REM1: variants seen among roughly 807,000 people sequenced by gnomAD.
The protein encoded by REM1 is RRAD and GEM like GTPase 1.
Under a neutral mutation model 27.0 loss-of-function variants are expected in REM1, and 20 were observed. The observed-to-expected ratio is 0.74, with a 90% CI of 0.52 to 1.08. REM1 has a LOEUF of 1.08. Among genes scored for constraint, REM1 ranks in the 50% least tolerant of loss-of-function variants. REM1 has a pLI of 0.00. For synonymous variants in REM1, 159 were observed against 167.9 expected, an observed-to-expected ratio of 0.95 and a Z score of 0.41; for missense variants, 405 against 407.0, an observed-to-expected ratio of 1.00 and a Z score of 0.04.
Position 31,484,609 on chromosome 20 carries a change from G to A in REM1, c.*179G>A. The A allele has an allele frequency of 1.3e-6, 1 of 777,350 alleles. No homozygotes were observed. Among genetic ancestry groups the A allele is most frequent in the Non-Finnish European group, 1.9e-6 (1 of 532,158 alleles). The allele number at this position is 777,350 out of a possible 1,614,324, so 48.2% of individuals were successfully genotyped here. A position where few individuals can be genotyped will look rare whatever the true frequency, so the allele number is the denominator to read the frequency against. The stretch of plus-strand genomic sequence containing the variant: ...CCTGGGGGATCCCGGGAAAGCGATG[G>A]ACAGACAGACGATGGGGCCGAAGCC... On this transcript the variant is annotated 3_prime_UTR_variant, in exon 5 of 5. Coordinates refer to ENST00000201979, the MANE Select transcript of REM1 (RefSeq NM_014012.6).
chr20:31,484,501 G>T lies in REM1; in HGVS notation c.*71G>T. On this transcript the variant is annotated 3_prime_UTR_variant, in exon 5 of 5. Coordinates refer to ENST00000201979, the MANE Select transcript of REM1 (RefSeq NM_014012.6). ...TGGGCTCCAGGGACGCCACTGCGGG[G>T]CAAAGGCGCCGTTACCTGGAGTCTG... 7.0e-7 allele frequency: 1 copy of T among 1,422,448 alleles called. No individual in the cohort carries two copies. The highest frequency in any genetic ancestry group is 9.2e-7 in the Non-Finnish European group (1 of 1,085,736). 88.1% of individuals were successfully genotyped at this position (1,422,448 alleles called of 1,614,324 possible).
chr20:31,476,677 G>A lies in REM1; in HGVS notation c.232G>A (p.Glu78Lys). The A allele has an allele frequency of 6.2e-7, 1 of 1,614,164 alleles. No individual in the cohort carries two copies. The highest frequency in any genetic ancestry group is 8.5e-7 in the Non-Finnish European group (1 of 1,180,022). The part of the protein sequence containing the change: ...SESSDSEGSW[E>K]ALYRVVLLGD... Reference sequence around the variant, plus strand: ...ATCCAGCGACTCTGAAGGCTCCTGGGAGGCTCTCTACCGTGTGGTGCTACT... The same window carrying A: ...ATCCAGCGACTCTGAAGGCTCCTGGAAGGCTCTCTACCGTGTGGTGCTACT... Residue 78 changes from glutamate (E) to lysine (K), a missense_variant, in exon 2 of 5, where the codon GAG (glutamate) becomes AAG (lysine). Physicochemically the swap from Glu to Lys is moderately conservative, Grantham distance 56. Transcript: ENST00000201979.
At position 31,484,546 on chromosome 20, in the gene REM1, C is replaced by T; in HGVS notation, c.*116C>T. On this transcript the variant is annotated 3_prime_UTR_variant, in exon 5 of 5. Coordinates refer to ENST00000201979, the MANE Select transcript of REM1 (RefSeq NM_014012.6). ...AGTCTGCATCATGGGTCTTGCTTGC[C>T]TGCTGCCCTGATGGCCTGAGCATCC... 1 of 1,267,898 alleles carries T rather than the reference C, an allele frequency of 7.9e-7. No individual in the cohort carries two copies. Among genetic ancestry groups the T allele is most frequent in the Non-Finnish European group, 1.0e-6 (1 of 961,514 alleles). 78.5% of individuals were successfully genotyped at this position (1,267,898 alleles called of 1,614,324 possible).
intron 3 of REM1, among the ~76,000 whole-genome samples, chr20:31,480,231 A>ATAGG (rs1980675688): frequency 2.7e-5 from 3 of 109,208 alleles, no homozygotes. Context: ...AGATAGATAG[A>ATAGG]CAGATACATA....
rs544564650 is a variant in REM1 at position 31,484,197 on chromosome 20, A to T, written c.664A>T (p.Ile222Phe). Reference protein sequence around the residue: ...ACAVVFDCKFIETSATLQHNV... With the variant: ...ACAVVFDCKFFETSATLQHNV... Reference sequence around the variant, plus strand: ...CGCTGTGGTGTTCGACTGTAAATTCATCGAGACATCCGCCACGCTGCAGCA... The same window carrying T: ...CGCTGTGGTGTTCGACTGTAAATTCTTCGAGACATCCGCCACGCTGCAGCA... The change falls in exon 5 of 5, where the codon ATC (isoleucine) becomes TTC (phenylalanine). Residue 222 changes from isoleucine (I) to phenylalanine (F), a missense_variant. By Grantham distance (21) the Ile-to-Phe change is conservative (BLOSUM62 0). Coordinates refer to ENST00000201979, the MANE Select transcript of REM1 (RefSeq NM_014012.6). 1.7e-4 allele frequency: 270 copies of T among 1,607,298 alleles called. 1 individual carries two copies. The South Asian group carries it at 2.8e-3, about 17-fold the overall frequency.
rs1308369188 is a variant in REM1 at position 31,484,310 on chromosome 20, A to ACGGC, written c.783_786dup (p.Ser263GlyfsTer113). On this transcript the variant is annotated frameshift_variant, in exon 5 of 5. Transcript: ENST00000201979. LOFTEE classifies it high-confidence loss of function. The stretch of plus-strand genomic sequence containing the variant: ...CGGCCAAGGAACCCCCAGCACCCCG[A>ACGGC]CGGCCGGCCAGCCTAGCCCAGCGCG... The ACGGC allele has an allele frequency of 6.3e-7, 1 of 1,577,640 alleles. No individual in the cohort carries two copies. The highest frequency in any genetic ancestry group is 2.3e-5 in the East Asian group (1 of 43,470).
rs117459528 is a variant in REM1, at chr20:31,481,924, G to T, written c.424-363G>T. Among the ~76,000 whole-genome samples, 69 of 152,228 alleles carry T rather than the reference G, an allele frequency of 4.5e-4. No individual in the cohort carries two copies. The East Asian group carries it at 0.01, about 22-fold the overall frequency. ...CCAGGCATAAAGAACCATATGGCAA[G>T]ACTAAACCCTCCTCAGAAACAAGAC... On this transcript the variant is annotated intron_variant, in intron 3 of 4. Coordinates refer to ENST00000201979, the MANE Select transcript of REM1 (RefSeq NM_014012.6).
rs1297283907 is a variant in REM1, at chr20:31,476,346, G to A, written c.-100G>A. ...GAAGAAGCCATACAGCAGCTCATCA[G>A]GACACTATAGAAAGAAGCAGCTCAA... On this transcript the variant is annotated 5_prime_UTR_variant, in exon 2 of 5. Coordinates refer to ENST00000201979, the MANE Select transcript of REM1 (RefSeq NM_014012.6). The A allele has an allele frequency of 2.1e-6, 2 of 961,870 alleles. No homozygotes were observed. The highest frequency in any genetic ancestry group is 3.3e-5 in the African/African-American group (2 of 60,716). The allele number at this position is 961,870 out of a possible 1,614,324, so 59.6% of individuals were successfully genotyped here.
At position 31,484,295 on chromosome 20, in the gene REM1, A is replaced by C. The variant is rs776909772; in HGVS notation, c.762A>C (p.Glu254Asp). The change falls in exon 5 of 5, where the codon GAA (glutamate) becomes GAC (aspartate). Residue 254 changes from glutamate (E) to aspartate (D), a missense_variant. Transcript: ENST00000201979. ...RLRRRDSAAK[E>D]PPAPRRPASL... The stretch of plus-strand genomic sequence containing the variant: ...GCCGCCGGGACAGTGCGGCCAAGGA[A>C]CCCCCAGCACCCCGACGGCCGGCCA... The C allele has an allele frequency of 6.3e-7, 1 of 1,584,514 alleles. No individual in the cohort carries two copies. The highest frequency in any genetic ancestry group is 8.6e-7 in the Non-Finnish European group (1 of 1,166,556).
chr20:31,477,642 G>A (rs1980564742), intron 2 of REM1, among the ~76,000 whole-genome samples, 186 bp from the exon 3 acceptor site: 2 of 152,108 alleles, frequency 1.3e-5, no homozygotes, highest in South Asian at 4.1e-4. Context: ...CCTACTATGT[G>A]CCAGGTACTA....
chr20:31,480,276 TAC>T, intron 3 of REM1, among the ~76,000 whole-genome samples: 1 of 146,384 alleles, frequency 6.8e-6, no homozygotes, highest in South Asian at 2.1e-4. Context: ...CATACATACA[TAC>T]ATACATAGAT....
At chr20:31,481,662 A>G (rs180765217) in intron 3 of REM1, among the ~76,000 whole-genome samples, 24 of 152,342 alleles carry the variant, frequency 1.6e-4, no homozygotes, top group Non-Finnish European at 2.9e-4. Flanking sequence ...TGTCCCTAAC[A>G]AAAGATCACC....
intron 2 of REM1, among the ~76,000 whole-genome samples, chr20:31,477,336 A>G (rs1980551441): frequency 2.0e-5 from 3 of 152,082 alleles, no homozygotes; most frequent in Admixed American, 2.0e-4. Flanking sequence ...GATAGAAGAG[A>G]TGAAGGTAGG....
intron 4 of REM1, among the ~76,000 whole-genome samples, chr20:31,483,835 T>C (rs977460228): frequency 6.6e-6 from 1 of 151,130 alleles, no homozygotes; most frequent in Admixed American, 6.6e-5. Flanking sequence ...AAGCACAGAT[T>C]TCCAGACCTC....
At chr20:31,482,510 C>T in intron 4 of REM1, 22 bp downstream of exon 4, 1 of 1,609,188 alleles carries the variant, frequency 6.2e-7, no homozygotes, top group East Asian at 2.2e-5. Context: ...ATCCCACCAC[C>T]TCCTCTTCAC....
At chr20:31,479,738 C>T (rs6142041) in intron 3 of REM1, among the ~76,000 whole-genome samples, 1 of 152,220 alleles carries the variant, frequency 6.6e-6, no homozygotes, top group Middle Eastern at 3.4e-3. Flanking sequence ...TTGGATGGGC[C>T]TTAGGACCTT....
intron 3 of REM1, among the ~76,000 whole-genome samples, chr20:31,481,600 T>A (rs1249081682): frequency 6.6e-6 from 1 of 152,174 alleles, no homozygotes; most frequent in Non-Finnish European, 1.5e-5. Flanking sequence ...AGAAACCGTG[T>A]CTTACTCAAC....
intron 3 of REM1, among the ~76,000 whole-genome samples, chr20:31,480,232 C>CAT (rs1980676083): frequency 1.8e-5 from 2 of 109,792 alleles, no homozygotes; most frequent in African/African-American, 9.2e-5. Context: ...GATAGATAGA[C>CAT]AGATACATAC....
In REM1 at chr20:31,476,693, T is replaced by TG; in HGVS notation, c.250dup (p.Val84GlyfsTer27). The TG allele has an allele frequency of 6.2e-7, 1 of 1,614,054 alleles. No homozygotes were observed. On this transcript the variant is annotated frameshift_variant, in exon 2 of 5. Coordinates refer to ENST00000201979, the MANE Select transcript of REM1 (RefSeq NM_014012.6). LOFTEE classifies it high-confidence loss of function. Reference sequence around the variant, plus strand: ...GGCTCCTGGGAGGCTCTCTACCGTGTGGTGCTACTTGGAGATCCTGGAGTG... The same window carrying TG: ...GGCTCCTGGGAGGCTCTCTACCGTGTGGGTGCTACTTGGAGATCCTGGAGTG...
Sources: allele counts gnomAD v4.1 joint callset (sites outside exome capture counted in the v4.1 genomes callset), GRCh38; gene constraint gnomAD v4.1.1; transcripts MANE v1.5; gene names NCBI Gene and HGNC (gene_info 2026-07-23, HGNC 2026-07-21).